The following LHX8 variants were observed in gnomAD, a reference collection of about 807,000 sequenced individuals.
LHX8 encodes LIM homeobox 8, also known as LIM/homeobox protein Lhx8.
A neutral mutation model predicts 40.3 loss-of-function variants in LHX8; 12 were observed. That is an observed-to-expected ratio of 0.30 (90% confidence interval 0.19 to 0.48). The LOEUF is 0.48. Ranked by LOEUF, LHX8 falls within the 20% of genes least tolerant of loss-of-function variation. LHX8 has a pLI of 0.99. For synonymous variants in LHX8, 179 were observed against 162.0 expected (o/e 1.10, Z -0.80); for missense variants, 344 against 433.7 (o/e 0.79, Z 1.84).
chr1:75,156,102 G>A (rs574918343), intron 7 of LHX8, among the ~76,000 whole-genome samples: 65 of 151,760 alleles, frequency 4.3e-4, no homozygotes, highest in African/African-American at 1.5e-3. Flanking sequence ...GAATTCTTGA[G>A]GGCCCTTCCC....
At chr1:75,167,093 T>C in the LHX8 span, among the ~76,000 whole-genome samples, 3 of 152,198 alleles carry the variant, frequency 2.0e-5, no homozygotes, top group African/African-American at 7.2e-5. Flanking sequence ...TAGTTTATTC[T>C]GCTCTGTCAT....
the LHX8 span, among the ~76,000 whole-genome samples, chr1:75,191,892 T>G: frequency 7.9e-5 from 12 of 152,288 alleles, no homozygotes; most frequent in African/African-American, 2.6e-4. Context: ...GTCTGTTAGC[T>G]CAACAGTCTG....
At chr1:75,195,323 C>T in the LHX8 span, among the ~76,000 whole-genome samples, 1 of 152,252 alleles carries the variant, frequency 6.6e-6, no homozygotes, top group African/African-American at 2.4e-5. Context: ...ACAACATGCC[C>T]ATGCGCCCTT....
In LHX8 at chr1:75,154,979, G is replaced by A. The variant is rs755229899; in HGVS notation, c.781-1914G>A. On this transcript the variant is annotated intron_variant, in intron 7 of 8. Coordinates refer to ENST00000356261, the MANE Select transcript of LHX8 (RefSeq NM_001256114.2). ...AGGGTGTAGTTCTGAAGTAAGGCCA[G>A]CTTTTTCTTATAAATTCTTTGCAGC... Among the ~76,000 whole-genome samples the A allele has an allele frequency of 6.6e-5, 10 of 152,102 alleles. No homozygotes were observed. The South Asian group carries it at 8.3e-4, about 13-fold the overall frequency.
Position 75,136,697 on chromosome 1 carries a change from C to A in LHX8, c.75+8C>A, listed in dbSNP as rs897679095. 20 of 1,541,812 alleles carry A rather than the reference C, an allele frequency of 1.3e-5. No individual in the cohort carries two copies. Among genetic ancestry groups the A allele is most frequent in the Non-Finnish European group, 1.7e-5 (20 of 1,145,536 alleles). On this transcript the variant is annotated splice_region_variant and intron_variant, in intron 2 of 8. Transcript: ENST00000356261. ...GCCGGGGAAGAGGGACTGGTGAGTGCGGAGGGGCTCGCGTGCTGGCAAGAC... is the reference window on the plus strand; with the variant it reads ...GCCGGGGAAGAGGGACTGGTGAGTGAGGAGGGGCTCGCGTGCTGGCAAGAC...
chr1:75,195,855 T>C, the LHX8 span, among the ~76,000 whole-genome samples: 1 of 152,132 alleles, frequency 6.6e-6, no homozygotes, highest in African/African-American at 2.4e-5. Flanking sequence ...TCCCTATACC[T>C]ACTTTCAATA....
At chr1:75,128,728 G>A (rs1647888195) in intron 1 of LHX8, 3 of 152,190 alleles carry the variant, frequency 2.0e-5, no homozygotes, top group African/African-American at 4.8e-5. Flanking sequence ...TCAGAAGGTT[G>A]TGCAAACTGA....
At chr1:75,183,425 G>T in the LHX8 span, among the ~76,000 whole-genome samples, 1 of 152,078 alleles carries the variant, frequency 6.6e-6, no homozygotes, top group Non-Finnish European at 1.5e-5. Flanking sequence ...CTAACAGCAA[G>T]CTGCTCAGCG....
chr1:75,148,979 T>G (rs538193719), intron 7 of LHX8, among the ~76,000 whole-genome samples: 2 of 152,382 alleles, frequency 1.3e-5, no homozygotes, highest in Admixed American at 1.3e-4. Context: ...CTTCACATTC[T>G]AAATCAAATT....
In LHX8 at chr1:75,151,102, T is replaced by C. The variant is rs186645893; in HGVS notation, c.780+2420T>C. Among the ~76,000 whole-genome samples, 17 of 152,360 alleles carry C rather than the reference T, an allele frequency of 1.1e-4. No individual in the cohort carries two copies. The East Asian group carries it at 3.3e-3, about 29-fold the overall frequency. Reference sequence around the variant, plus strand: ...TCTTCATTGCACATATTTTATTTTGTTTCTTAATTTGGGTGGTTGATACAT... The same window carrying C: ...TCTTCATTGCACATATTTTATTTTGCTTCTTAATTTGGGTGGTTGATACAT... On this transcript the variant is annotated intron_variant, in intron 7 of 8. Transcript: ENST00000356261.
chr1:75,135,167 T>C (rs901388922), intron 1 of LHX8, among the ~76,000 whole-genome samples: 1 of 152,170 alleles, frequency 6.6e-6, no homozygotes, highest in Admixed American at 6.5e-5. Context: ...CCATTTTACC[T>C]AAAATGCCAA....
chr1:75,151,023 A>C (rs1379593287), intron 7 of LHX8, among the ~76,000 whole-genome samples: 2 of 152,160 alleles, frequency 1.3e-5, no homozygotes, highest in Non-Finnish European at 2.9e-5. Flanking sequence ...TTAAGGAGTG[A>C]AAGCAAGTAA....
chr1:75,141,659 T>C (rs1028388947), intron 4 of LHX8, among the ~76,000 whole-genome samples: 13 of 152,160 alleles, frequency 8.5e-5, no homozygotes, highest in Non-Finnish European at 1.2e-4. Context: ...TTGTCCGATC[T>C]TCAGTTTCTG....
chr1:75,196,939 A>T, the LHX8 span, among the ~76,000 whole-genome samples: 1 of 152,172 alleles, frequency 6.6e-6, no homozygotes, highest in Non-Finnish European at 1.5e-5. Flanking sequence ...TTGGAGAGTG[A>T]CTATTTCATA....
At chr1:75,149,929 A>G (rs1467544501) in intron 7 of LHX8, among the ~76,000 whole-genome samples, 2 of 152,178 alleles carry the variant, frequency 1.3e-5, no homozygotes, top group African/African-American at 4.8e-5. Context: ...TGCAATGGGG[A>G]AGCAGAGAGG....
the LHX8 span, among the ~76,000 whole-genome samples, chr1:75,185,490 G>A: frequency 1.3e-4 from 19 of 150,686 alleles, no homozygotes; most frequent in Admixed American, 5.9e-4. Context: ...AAGCAGAACT[G>A]AAGGCAAAAC....
chr1:75,168,258 T>C, the LHX8 span, among the ~76,000 whole-genome samples: 28 of 152,286 alleles, frequency 1.8e-4, no homozygotes, highest in African/African-American at 6.5e-4. Context: ...GTTTCACTCT[T>C]GTTGCCCAGG....
rs1276970518 is a variant in LHX8, at chr1:75,143,183, C to A, written c.425C>A (p.Ala142Asp). The part of the protein sequence containing the change: ...HIHSTDWVRR[A>D]KGNVYHLACF... The stretch of plus-strand genomic sequence containing the variant: ...CATTCTACTGACTGGGTCCGGAGAG[C>A]CAAGGGGAATGTCTATCACTTGGCA... The change falls in exon 5 of 9, where the codon GCC becomes GAC. Residue 142 changes from alanine (A) to aspartate (D), a missense_variant. Physicochemically the swap from Ala to Asp is moderately radical, Grantham distance 126. This residue lies in a region of LHX8 where 147 missense variants were observed against 250.8 expected (regional missense o/e 0.59). Transcript: ENST00000356261. The A allele has an allele frequency of 6.2e-7, 1 of 1,613,708 alleles. No homozygotes were observed. Among genetic ancestry groups the A allele is most frequent in the African/African-American group, 1.3e-5 (1 of 74,976 alleles).
intron 6 of LHX8, among the ~76,000 whole-genome samples, chr1:75,146,191 C>A (rs1648455370): frequency 6.6e-6 from 1 of 152,004 alleles, no homozygotes; most frequent in Non-Finnish European, 1.5e-5. Flanking sequence ...TTGAATTTGG[C>A]AAGATAATAA....
Sources: allele counts gnomAD v4.1 joint callset (sites outside exome capture counted in the v4.1 genomes callset), GRCh38; gene constraint gnomAD v4.1.1; regional missense constraint gnomAD v4.1.1; transcripts MANE v1.5; gene names NCBI Gene and HGNC (gene_info 2026-07-23, HGNC 2026-07-21).